The following SLC13A5 variants were observed in gnomAD, a reference collection of about 807,000 sequenced individuals.
The protein encoded by SLC13A5 is solute carrier family 13 member 5.
A neutral mutation model predicts 56.5 loss-of-function variants in SLC13A5; 25 were observed. The observed-to-expected ratio is 0.44, with a 90% CI of 0.32 to 0.62. The LOEUF (loss-of-function observed/expected upper bound fraction) is 0.62, where lower values mean the gene tolerates loss of function less well. SLC13A5 is among the 20% of genes least tolerant of loss of function. The pLI is 0.04. For missense variants in SLC13A5, 649 were observed against 737.8 expected (o/e 0.88, Z 1.39); for synonymous variants, 307 against 301.5 (o/e 1.02, Z -0.19).
rs1345972403 is a variant in SLC13A5, at chr17:6,703,914, C to G, written c.511G>C (p.Glu171Gln). ...TTGGCCTTGCCCTTGTCCACCAGCT[C>G]CAGGCCGGCCTCGGTGGCTGCGCTT... Reference protein sequence around the residue: ...ATSAATEAGLELVDKGKAKEL... With the variant: ...ATSAATEAGLQLVDKGKAKEL... The change falls in exon 4 of 12, where the codon GAG becomes CAG. Residue 171 changes from glutamate (E) to glutamine (Q), a missense_variant. Transcript: ENST00000433363. 1 of 1,582,618 alleles carries G rather than the reference C, an allele frequency of 6.3e-7. No homozygotes were observed. The highest frequency in any genetic ancestry group is 8.6e-7 in the Non-Finnish European group (1 of 1,162,548).
intron 3 of SLC13A5, chr17:6,704,427 G>A (rs1973810567): frequency 5.3e-6 from 2 of 378,090 alleles, no homozygotes; most frequent in African/African-American, 2.1e-5. Context: ...GCTTGCCCTA[G>A]GGTGTGCTGG....
In SLC13A5 at chr17:6,687,199, G is replaced by C. The variant is rs147414497; in HGVS notation, c.1575+330C>G. 3.5e-6 allele frequency: 1 copy of C among 289,198 alleles called. No individual in the cohort carries two copies. The highest frequency in any genetic ancestry group is 6.5e-6 in the Non-Finnish European group (1 of 154,064). 17.9% of individuals were successfully genotyped at this position (289,198 alleles called of 1,614,324 possible). On this transcript the variant is annotated intron_variant, in intron 11 of 11. Coordinates refer to ENST00000433363, the MANE Select transcript of SLC13A5 (RefSeq NM_177550.5). This position sits in a 1 kb window ranked among gnomAD's most constrained non-coding sequence, Gnocchi z 5.0. ...TGCCCTGCCTATCTTCATGGTTCTT[G>C]CTAATTTGTCAAGTTCATCCTTGGC...
Position 6,685,890 on chromosome 17 carries a change from A to T in SLC13A5, c.*317T>A. The T allele has an allele frequency of 2.9e-6, 1 of 344,008 alleles. No individual in the cohort carries two copies. The allele number at this position is 344,008 out of a possible 1,614,324, so 21.3% of individuals were successfully genotyped here. A position where few individuals can be genotyped will look rare whatever the true frequency, so the allele number is the denominator to read the frequency against. On this transcript the variant is annotated 3_prime_UTR_variant, in exon 12 of 12. Coordinates refer to ENST00000433363, the MANE Select transcript of SLC13A5 (RefSeq NM_177550.5). This position sits in a 1 kb window ranked among gnomAD's most constrained non-coding sequence, Gnocchi z 4.2. ...CCTGTGTGGGGGATGCTTGAGGCAG[A>T]GCGGGTACAGCAGCCTGCATCCTGA...
At chr17:6,703,246 T>A in intron 4 of SLC13A5, 108 bp from the exon 5 acceptor site, 1 of 1,361,070 alleles carries the variant, frequency 7.3e-7, no homozygotes, top group Non-Finnish European at 1.0e-6. Flanking sequence ...CCAGCTCTGC[T>A]GATTTAGCTG....
chr17:6,691,850 T>C (rs1460572777), intron 9 of SLC13A5, among the ~76,000 whole-genome samples: 1 of 152,152 alleles, frequency 6.6e-6, no homozygotes, highest in Non-Finnish European at 1.5e-5. Flanking sequence ...GTCTACTGCA[T>C]TCACGATCAA....
chr17:6,709,891 G>C (rs796267501), intron 1 of SLC13A5, among the ~76,000 whole-genome samples: 2 of 152,174 alleles, frequency 1.3e-5, no homozygotes, highest in Admixed American at 6.5e-5. Flanking sequence ...TGCACTGCAG[G>C]GTGTTTAGAG....
chr17:6,706,832 C>T lies in SLC13A5; in HGVS notation c.232-54G>A, dbSNP rs1233418290. On this transcript the variant is annotated intron_variant, in intron 2 of 11. Coordinates refer to ENST00000433363, the MANE Select transcript of SLC13A5 (RefSeq NM_177550.5). ...GACTGTCCCTTGCCACACACTAGAG[C>T]CACCCAGTCCCCAGATGCTGACTTC... 2.5e-6 allele frequency: 4 copies of T among 1,601,286 alleles called. No individual in the cohort carries two copies. The Admixed American group carries it at 6.7e-5, about 27-fold the overall frequency.
chr17:6,703,240 C>A, intron 4 of SLC13A5, 102 bp from the exon 5 acceptor site: 4 of 1,441,644 alleles, frequency 2.8e-6, no homozygotes, highest in Non-Finnish European at 2.8e-6. Flanking sequence ...GAAATCCCAG[C>A]TCTGCTGATT....
intron 5 of SLC13A5, 134 bp downstream of exon 5, chr17:6,702,835 CT>C: frequency 1.8e-6 from 2 of 1,102,836 alleles, no homozygotes; most frequent in South Asian, 3.2e-5. Context: ...CTTTCCACCC[CT>C]GCCAGGCTCC....
In SLC13A5 at chr17:6,684,815, A is replaced by G. The variant is rs766414726; in HGVS notation, c.*1392T>C. 6.6e-6 allele frequency: 1 copy of G among 152,198 alleles called. No individual in the cohort carries two copies. The highest frequency in any genetic ancestry group is 2.4e-5 in the African/African-American group (1 of 41,444). The allele number at this position is 152,198 out of a possible 1,614,324, so 9.4% of individuals were successfully genotyped here. On this transcript the variant is annotated 3_prime_UTR_variant, in exon 12 of 12. Coordinates refer to ENST00000433363, the MANE Select transcript of SLC13A5 (RefSeq NM_177550.5). The stretch of plus-strand genomic sequence containing the variant: ...GAACCAGACACATACTCGGTCCTTG[A>G]TGGGGTTTCCTGAGGCTCTCATACT...
At chr17:6,691,115 G>A (rs1225017144) in intron 9 of SLC13A5, among the ~76,000 whole-genome samples, 175 bp from the exon 10 acceptor site, 1 of 152,148 alleles carries the variant, frequency 6.6e-6, no homozygotes, top group Non-Finnish European at 1.5e-5. Context: ...TCCTAAATCT[G>A]TATTTCCAGC....
Position 6,695,714 on chromosome 17 carries a change from T to A in SLC13A5, c.1055+12A>T, listed in dbSNP as rs1567617699. 6.2e-7 allele frequency: 1 copy of A among 1,613,938 alleles called. No individual in the cohort carries two copies. Reference sequence around the variant, plus strand: ...CCCTAAGCCAGCGATTTCTATTGAATCCAAGACTTACTTTGTCTCACCCTC... The same window carrying A: ...CCCTAAGCCAGCGATTTCTATTGAAACCAAGACTTACTTTGTCTCACCCTC... On this transcript the variant is annotated intron_variant, in intron 7 of 11. Coordinates refer to ENST00000433363, the MANE Select transcript of SLC13A5 (RefSeq NM_177550.5).
chr17:6,699,689 T>A (rs1437841598), intron 6 of SLC13A5, among the ~76,000 whole-genome samples: 4 of 151,568 alleles, frequency 2.6e-5, no homozygotes, highest in African/African-American at 9.7e-5. Flanking sequence ...CAGGCTGGTC[T>A]CGAGCTCCTG....
At chr17:6,700,872 A>T in intron 6 of SLC13A5, 132 bp downstream of exon 6, 1 of 1,326,528 alleles carries the variant, frequency 7.5e-7, no homozygotes, top group Non-Finnish European at 1.0e-6. Flanking sequence ...GCAGACTAGC[A>T]GGAGACAGGG....
chr17:6,704,269 C>G, intron 3 of SLC13A5: 2 of 687,808 alleles, frequency 2.9e-6, no homozygotes, highest in Non-Finnish European at 5.3e-6. Flanking sequence ...CTCCCTCCTG[C>G]CTCTCCCACA....
intron 6 of SLC13A5, among the ~76,000 whole-genome samples, chr17:6,699,108 T>TAA (rs1320271497): frequency 7.0e-6 from 1 of 142,628 alleles, no homozygotes; most frequent in African/African-American, 2.6e-5. Flanking sequence ...TAAAATAAAA[T>TAA]AAAGAAAGGA....
chr17:6,703,584 C>T (rs1180299825), intron 4 of SLC13A5, among the ~76,000 whole-genome samples: 1 of 152,128 alleles, frequency 6.6e-6, no homozygotes, highest in African/African-American at 2.4e-5. Flanking sequence ...GAGGGGCATC[C>T]CTAAGTGCTC....
At chr17:6,695,690 C>T (rs765745029) in intron 7 of SLC13A5, 36 bp downstream of exon 7, 1 of 1,610,362 alleles carries the variant, frequency 6.2e-7, no homozygotes, top group Admixed American at 1.7e-5. Context: ...CGCGCCTGGC[C>T]CTAAGCCAGC....
intron 10 of SLC13A5, chr17:6,689,514 G>C (rs1050028060): frequency 1.3e-5 from 2 of 152,204 alleles, no homozygotes; most frequent in African/African-American, 4.8e-5. Flanking sequence ...TGGAACCCTC[G>C]GTGCTCCCAG....
Sources: gnomAD v4.1 joint callset for allele counts (sites outside exome capture counted in the v4.1 genomes callset) on GRCh38, gnomAD v4.1.1 for gene constraint, Gnocchi (gnomAD v3.1) non-coding constraint, MANE v1.5 for transcripts, NCBI Gene and HGNC (gene_info 2026-07-23, HGNC 2026-07-21) for gene names.